The following LRRC58 variants were observed in gnomAD, a reference collection of about 807,000 sequenced individuals.
LRRC58 encodes leucine-rich repeat-containing protein 58.
In LRRC58, 18 loss-of-function variants were observed where a neutral mutation model predicts 30.6. The ratio of observed to expected loss-of-function variants is 0.59; its 90% CI spans 0.41 to 0.87. The LOEUF (loss-of-function observed/expected upper bound fraction) is 0.87. LRRC58 is among the 40% of genes least tolerant of loss of function. The pLI is 0.00. For synonymous variants in LRRC58, 221 were observed against 206.0 expected (o/e 1.07, Z -0.62); for missense variants, 420 against 468.4 (o/e 0.90, Z 0.95).
At chr3:120,331,446 G>T in intron 3 of LRRC58, 38 bp from the exon 4 acceptor site, 2 of 1,496,580 alleles carry the variant, frequency 1.3e-6, no homozygotes, top group South Asian at 1.1e-5. Context: ...TCATTACAAA[G>T]CAAGGAATCA....
At chr3:120,339,795 C>T (rs2107624925) in intron 1 of LRRC58, among the ~76,000 whole-genome samples, 1 of 152,216 alleles carries the variant, frequency 6.6e-6, no homozygotes, top group South Asian at 2.1e-4. Context: ...ATTTCAGCCA[C>T]CATTACTTCA....
intron 1 of LRRC58, among the ~76,000 whole-genome samples, chr3:120,338,668 A>C (rs1935866119): frequency 6.6e-6 from 1 of 152,240 alleles, no homozygotes; most frequent in Non-Finnish European, 1.5e-5. Context: ...AAACAGCAAC[A>C]CAGCCAGTTT....
rs1476139315 is a variant in LRRC58 at position 120,328,554 on chromosome 3, G to A, written c.*2646C>T. 1.3e-5 allele frequency: 2 copies of A among 152,112 alleles called. No individual in the cohort carries two copies. The highest frequency in any genetic ancestry group is 1.3e-4 in the Admixed American group (2 of 15,274). 9.4% of individuals were successfully genotyped at this position (152,112 alleles called of 1,614,324 possible). A position where few individuals can be genotyped will look rare whatever the true frequency, so the allele number is the denominator to read the frequency against. On this transcript the variant is annotated 3_prime_UTR_variant, in exon 4 of 4. Transcript: ENST00000295628. ...CTGTCTTTTAAAAACCCCAATTAAA[G>A]TTCATTTACTGTAATTAACAAACAA...
At chr3:120,336,606 G>C (rs558721542) in intron 1 of LRRC58, among the ~76,000 whole-genome samples, 2 of 151,844 alleles carry the variant, frequency 1.3e-5, no homozygotes, top group African/African-American at 4.8e-5. Flanking sequence ...TTTCTTCTTC[G>C]CTCTTATTAT....
In LRRC58 at chr3:120,327,472, T is replaced by G. The variant is rs997639824; in HGVS notation, c.*3728A>C. ...GGTTTCACCGTGTTAGCCAGGATGG[T>G]CTCGATCTCCTGACCTCGTGATCCA... On this transcript the variant is annotated 3_prime_UTR_variant, in exon 4 of 4. Transcript: ENST00000295628. 6.6e-6 allele frequency: 1 copy of G among 151,614 alleles called. No individual in the cohort carries two copies. Among genetic ancestry groups the G allele is most frequent in the Admixed American group, 6.6e-5 (1 of 15,224 alleles). The allele number at this position is 151,614 out of a possible 1,614,324, so 9.4% of individuals were successfully genotyped here.
intron 1 of LRRC58, among the ~76,000 whole-genome samples, chr3:120,344,217 T>C (rs1460977091): frequency 6.6e-6 from 1 of 152,204 alleles, no homozygotes; most frequent in Non-Finnish European, 1.5e-5. Flanking sequence ...TAAGAACATC[T>C]GTGGATAAAG....
rs1158878969 is a variant in LRRC58, at chr3:120,334,894, G to A, written c.875C>T (p.Ser292Leu). The A allele has an allele frequency of 6.2e-7, 1 of 1,613,676 alleles. No homozygotes were observed. The highest frequency in any genetic ancestry group is 1.3e-5 in the African/African-American group (1 of 75,062). Reference sequence around the variant, plus strand: ...CTTTGGGTTTGGGCAATTGCTGGCTGAACCCAAGTATCTAAGAAGATTTCC... The same window carrying A: ...CTTTGGGTTTGGGCAATTGCTGGCTAAACCCAAGTATCTAAGAAGATTTCC... Reference protein sequence around the residue: ...LPGNLLRYLGSASNCPNPKCG... With the variant: ...LPGNLLRYLGLASNCPNPKCG... Residue 292 changes from serine to leucine, a missense_variant, in exon 3 of 4, where the codon TCA (serine) becomes TTA (leucine). Transcript: ENST00000295628.
intron 1 of LRRC58, 125 bp from the exon 2 acceptor site, chr3:120,336,078 G>C: frequency 3.0e-6 from 2 of 669,872 alleles, no homozygotes; most frequent in Non-Finnish European, 4.9e-6. Context: ...GATTTGCTAT[G>C]TGCTATCCAG....
In LRRC58 at chr3:120,324,995, T is replaced by C. The variant is rs1254844330; in HGVS notation, c.*6205A>G. 1 of 152,228 alleles carries C rather than the reference T, an allele frequency of 6.6e-6. No homozygotes were observed. Among genetic ancestry groups the C allele is most frequent in the Non-Finnish European group, 1.5e-5 (1 of 68,044 alleles). 9.4% of individuals were successfully genotyped at this position (152,228 alleles called of 1,614,324 possible). On this transcript the variant is annotated 3_prime_UTR_variant, in exon 4 of 4. Transcript: ENST00000295628. ...GTATGTTTTCAGTACCCTTCGTTAA[T>C]ACTTTGACATCCCAAACTTTACAAA...
rs540484351 is a variant in LRRC58 at position 120,329,878 on chromosome 3, TTAAAG to T, written c.*1317_*1321del. The T allele has an allele frequency of 1.2e-3, 177 of 152,186 alleles. No individual in the cohort carries two copies. The highest frequency in any genetic ancestry group is 3.8e-3 in the African/African-American group (158 of 41,584). 9.4% of individuals were successfully genotyped at this position (152,186 alleles called of 1,614,324 possible). A position where few individuals can be genotyped will look rare whatever the true frequency, so the allele number is the denominator to read the frequency against. On this transcript the variant is annotated 3_prime_UTR_variant, in exon 4 of 4. Coordinates refer to ENST00000295628, the MANE Select transcript of LRRC58 (RefSeq NM_001099678.2). ...ACTATTATTCAATTTGTATTGCATATTAAAGTACTTAATAAAAATTTGGTAATTTC... is the reference window on the plus strand; with the variant it reads ...ACTATTATTCAATTTGTATTGCATATTACTTAATAAAAATTTGGTAATTTC...
Position 120,327,975 on chromosome 3 carries a change from G to C in LRRC58, c.*3225C>G, listed in dbSNP as rs1935705410. ...TTGGCCAGGCTGGTCTCAAATTCCT[G>C]ACTGCATATGATCCATCCACTTCGG... On this transcript the variant is annotated 3_prime_UTR_variant, in exon 4 of 4. Coordinates refer to ENST00000295628, the MANE Select transcript of LRRC58 (RefSeq NM_001099678.2). 1 of 152,062 alleles carries C rather than the reference G, an allele frequency of 6.6e-6. No homozygotes were observed. The highest frequency in any genetic ancestry group is 1.5e-5 in the Non-Finnish European group (1 of 68,008). The allele number at this position is 152,062 out of a possible 1,614,324, so 9.4% of individuals were successfully genotyped here. A position where few individuals can be genotyped will look rare whatever the true frequency, so the allele number is the denominator to read the frequency against.
At position 120,325,594 on chromosome 3, in the gene LRRC58, T is replaced by C. The variant is rs181413890; in HGVS notation, c.*5606A>G. 3.4e-3 allele frequency: 517 copies of C among 152,290 alleles called. 1 individual carries two copies. The highest frequency in any genetic ancestry group is 0.012 in the African/African-American group (492 of 41,570). 9.4% of individuals were successfully genotyped at this position (152,290 alleles called of 1,614,324 possible). A position where few individuals can be genotyped will look rare whatever the true frequency, so the allele number is the denominator to read the frequency against. On this transcript the variant is annotated 3_prime_UTR_variant, in exon 4 of 4. Coordinates refer to ENST00000295628, the MANE Select transcript of LRRC58 (RefSeq NM_001099678.2). ...GTAGAGTTCATTAGTGAACTGTTTT[T>C]TAAATATCAATTCTTAGTAAATATA... is the stretch of plus-strand genomic sequence containing the variant.
rs969818157 is a variant in LRRC58 at position 120,324,638 on chromosome 3, G to GT, written c.*6561dup. On this transcript the variant is annotated 3_prime_UTR_variant, in exon 4 of 4. Coordinates refer to ENST00000295628, the MANE Select transcript of LRRC58 (RefSeq NM_001099678.2). ...CAGTTTTATTAAAATAAGGCACAAT[G>GT]TTTGATATGGCAAAATTCACAGAGG... is the stretch of plus-strand genomic sequence containing the variant. 1 of 152,160 alleles carries GT rather than the reference G, an allele frequency of 6.6e-6. No homozygotes were observed. Among genetic ancestry groups the GT allele is most frequent in the African/African-American group, 2.4e-5 (1 of 41,438 alleles). 9.4% of individuals were successfully genotyped at this position (152,160 alleles called of 1,614,324 possible).
Position 120,335,040 on chromosome 3 carries a change from T to A in LRRC58, c.729A>T (p.Arg243=). The A allele has an allele frequency of 6.2e-7, 1 of 1,613,928 alleles. No individual in the cohort carries two copies. The highest frequency in any genetic ancestry group is 8.5e-7 in the Non-Finnish European group (1 of 1,179,862). The stretch of plus-strand genomic sequence containing the variant: ...CAAAACGAACAACCAATGGATTTCC[T>A]CGTAAACTCAACTCTTCCAAATGAA... ...NLIHLEELSL[R]GNPLVVRFVR... is the part of the protein sequence containing the mutation. The change falls in exon 3 of 4, where the codon CGA becomes CGT. Residue 243 remains arginine (R), a synonymous_variant. Transcript: ENST00000295628.
In LRRC58 at chr3:120,349,134, TC is replaced by T. The variant is rs1936020395; in HGVS notation, c.109del (p.Glu37ArgfsTer39). The part of the protein sequence containing the change: ...TLESELEARG[E>X]ERRGAREALL... ...CGCCTCCCGCGCCCCGCGCCGCTCCTCCCCCCGCGCCTCCAGCTCAGACTCC... is the reference window on the plus strand; with the variant it reads ...CGCCTCCCGCGCCCCGCGCCGCTCCTCCCCCGCGCCTCCAGCTCAGACTCC... On this transcript the variant is annotated frameshift_variant, in exon 1 of 4. Coordinates refer to ENST00000295628, the MANE Select transcript of LRRC58 (RefSeq NM_001099678.2). LOFTEE classifies it high-confidence loss of function. 3.3e-6 allele frequency: 5 copies of T among 1,497,982 alleles called. No homozygotes were observed. Among genetic ancestry groups the T allele is most frequent in the African/African-American group, 2.9e-5 (2 of 67,896 alleles). The allele number at this position is 1,497,982 out of a possible 1,614,324, so 92.8% of individuals were successfully genotyped here.
intron 1 of LRRC58, among the ~76,000 whole-genome samples, chr3:120,341,896 G>A (rs1392153700): frequency 9.2e-5 from 14 of 152,078 alleles, no homozygotes. Flanking sequence ...CTGTGGATCT[G>A]AGCCTCCCTG....
rs1011700120 is a variant in LRRC58, at chr3:120,327,051, C to T, written c.*4149G>A. The T allele has an allele frequency of 2.0e-5, 3 of 152,084 alleles. No individual in the cohort carries two copies. The highest frequency in any genetic ancestry group is 4.4e-5 in the Non-Finnish European group (3 of 68,004). The allele number at this position is 152,084 out of a possible 1,614,324, so 9.4% of individuals were successfully genotyped here. On this transcript the variant is annotated 3_prime_UTR_variant, in exon 4 of 4. Coordinates refer to ENST00000295628, the MANE Select transcript of LRRC58 (RefSeq NM_001099678.2). ...CGTATTACTTGCTGGCCCTTAATTA[C>T]GGAGGGATATGGACAATCTCCCAAT...
At chr3:120,342,385 G>A (rs543315943) in intron 1 of LRRC58, among the ~76,000 whole-genome samples, 1 of 152,336 alleles carries the variant, frequency 6.6e-6, no homozygotes, top group East Asian at 1.9e-4. Context: ...AGAGGAGGAA[G>A]AAGACAGAGA....
chr3:120,347,399 T>TTTTTTTTTTTTTTTTTTTTTTTTC (rs1935985072), intron 1 of LRRC58, among the ~76,000 whole-genome samples: 1 of 110,448 alleles, frequency 9.1e-6, no homozygotes, highest in Non-Finnish European at 1.9e-5. Flanking sequence ...TTTTTTTTTT[T>TTTTTTTTTTTTTTTTTTTTTTTTC]TTTGAGACAG....
Sources: allele counts gnomAD v4.1 joint callset (sites outside exome capture counted in the v4.1 genomes callset), GRCh38; gene constraint gnomAD v4.1.1; transcripts MANE v1.5; gene names NCBI Gene and HGNC (gene_info 2026-07-23, HGNC 2026-07-21).